The following TIAM1 variants were observed in gnomAD, a reference collection of about 807,000 sequenced individuals.
TIAM1 encodes rho guanine nucleotide exchange factor TIAM1.
TIAM1 carries 65 observed loss-of-function variants against 163.5 expected under a neutral mutation model. The ratio of observed to expected loss-of-function variants is 0.40; its 90% CI spans 0.33 to 0.49. TIAM1 has a LOEUF of 0.49. Ranked by LOEUF, TIAM1 falls within the 20% of genes least tolerant of loss-of-function variation. TIAM1 has a pLI of 0.77. For missense variants in TIAM1, 1,789 were observed against 2,044.7 expected (o/e 0.87, Z 2.41); for synonymous variants, 833 against 810.1 (o/e 1.03, Z -0.48).
intron 1 of TIAM1, among the ~76,000 whole-genome samples, chr21:31,504,208 G>A (rs1424710328): frequency 6.6e-6 from 1 of 152,150 alleles, no homozygotes; most frequent in Non-Finnish European, 1.5e-5. Flanking sequence ...GTGTTACAAG[G>A]CAACCCAGGC....
intron 2 of TIAM1, among the ~76,000 whole-genome samples, chr21:31,382,690 G>A (rs2076798214): frequency 6.6e-6 from 1 of 152,102 alleles, no homozygotes; most frequent in Non-Finnish European, 1.5e-5. Context: ...TTTTTAACAT[G>A]TCAGTCAATT....
intron 2 of TIAM1, among the ~76,000 whole-genome samples, chr21:31,333,687 A>G (rs915454018): frequency 1.3e-5 from 2 of 152,074 alleles, no homozygotes; most frequent in African/African-American, 4.8e-5. Flanking sequence ...TGATCTTCCC[A>G]CTTCAGCCTC....
chr21:31,476,675 G>A (rs2045945443), intron 1 of TIAM1, among the ~76,000 whole-genome samples: 2 of 152,176 alleles, frequency 1.3e-5, no homozygotes, highest in Non-Finnish European at 2.9e-5. Flanking sequence ...TCCATGCACG[G>A]AGGGACGCCA....
intron 2 of TIAM1, among the ~76,000 whole-genome samples, chr21:31,327,017 T>C (rs1288506873): frequency 6.6e-6 from 1 of 152,224 alleles, no homozygotes; most frequent in Admixed American, 6.5e-5. Flanking sequence ...CCGGCCGCGA[T>C]TTAACATGCG....
At chr21:31,181,987 T>C (rs946876100) in intron 15 of TIAM1, among the ~76,000 whole-genome samples, 1 of 150,488 alleles carries the variant, frequency 6.6e-6, no homozygotes, top group Non-Finnish European at 1.5e-5. Flanking sequence ...TCTCGTTATG[T>C]TGCCCAGGCT....
At chr21:31,185,750 T>C (rs2085274051) in intron 14 of TIAM1, among the ~76,000 whole-genome samples, 1 of 151,350 alleles carries the variant, frequency 6.6e-6, no homozygotes, top group South Asian at 2.1e-4. Context: ...TGATTTAGTG[T>C]AGGTCCTAAA....
chr21:31,226,316 T>C (rs2087969595), intron 6 of TIAM1, among the ~76,000 whole-genome samples: 1 of 152,156 alleles, frequency 6.6e-6, no homozygotes, highest in Admixed American at 6.5e-5. Context: ...CGGTCAGTTA[T>C]AGGACATGAG....
intron 1 of TIAM1, among the ~76,000 whole-genome samples, chr21:31,551,424 GA>G (rs570020722): frequency 9.4e-4 from 142 of 151,040 alleles, no homozygotes; most frequent in Non-Finnish European, 1.3e-3. Context: ...AAGAAAAAAA[GA>G]AAAGAAAAAG....
rs2082123653 is a variant in TIAM1, at chr21:31,124,638, T to C, written c.4190A>G (p.Lys1397Arg). The change falls in exon 27 of 28, where the codon AAG (lysine) becomes AGG (arginine). Residue 1397 changes from lysine to arginine, a missense_variant. Transcript: ENST00000541036. ...GGTTTTGAGGAGCTGTCTTCTGTGC[T>C]TATCACGCAGGATTGAATGCACAGC... ...LKAVHSILRD[K>R]HRRQLLKTES... The C allele has an allele frequency of 6.2e-7, 1 of 1,612,718 alleles. No individual in the cohort carries two copies. The highest frequency in any genetic ancestry group is 1.3e-5 in the African/African-American group (1 of 75,016).
rs139674110 is a variant in TIAM1 at position 31,296,327 on chromosome 21, T to C, written c.-188-19419A>G. Among the ~76,000 whole-genome samples the C allele has an allele frequency of 3.7e-3, 564 of 152,274 alleles. 4 individuals are homozygous for C. The highest frequency in any genetic ancestry group is 3.1e-3 in the Non-Finnish European group (210 of 68,026). The stretch of plus-strand genomic sequence containing the variant: ...TATGCACACCTCAAAAGGTTTAAAC[T>C]TTATTTAAATGAACAAAAACAGATA... On this transcript the variant is annotated intron_variant, in intron 2 of 27. Transcript: ENST00000541036.
At chr21:31,281,152 T>G (rs969237206) in intron 2 of TIAM1, among the ~76,000 whole-genome samples, 12 of 151,586 alleles carry the variant, frequency 7.9e-5, no homozygotes, top group Admixed American at 7.9e-4. Flanking sequence ...CTGTCATTTT[T>G]AAGTCCTTGC....
chr21:31,381,594 G>A (rs2076780271), intron 2 of TIAM1, among the ~76,000 whole-genome samples: 1 of 152,176 alleles, frequency 6.6e-6, no homozygotes, highest in Non-Finnish European at 1.5e-5. Context: ...CTTGAACATG[G>A]GAGGCGGAGG....
intron 10 of TIAM1, among the ~76,000 whole-genome samples, chr21:31,210,806 GAA>G: frequency 6.7e-6 from 1 of 148,624 alleles, no homozygotes; most frequent in African/African-American, 2.5e-5. Context: ...AAGAAAGAAA[GAA>G]AGAAAGGTCA....
intron 1 of TIAM1, among the ~76,000 whole-genome samples, chr21:31,522,374 G>A (rs542733609): frequency 6.6e-6 from 1 of 151,548 alleles, no homozygotes; most frequent in South Asian, 2.1e-4. Flanking sequence ...GCCAGGCATG[G>A]TGGCGCATGC....
intron 2 of TIAM1, among the ~76,000 whole-genome samples, chr21:31,446,668 C>T (rs1263491692): frequency 6.6e-6 from 1 of 152,074 alleles, no homozygotes; most frequent in Non-Finnish European, 1.5e-5. Context: ...GACAGTCACT[C>T]ACCACAAACA....
intron 16 of TIAM1, among the ~76,000 whole-genome samples, chr21:31,160,233 C>A (rs1252012326): frequency 6.6e-6 from 1 of 152,172 alleles, no homozygotes; most frequent in African/African-American, 2.4e-5. Context: ...TAGGCAAATT[C>A]AACTCCATAC....
intron 2 of TIAM1, among the ~76,000 whole-genome samples, chr21:31,385,977 T>A (rs1382078015): frequency 6.7e-6 from 1 of 148,404 alleles, no homozygotes; most frequent in Non-Finnish European, 1.5e-5. Context: ...ATAATATATA[T>A]AATAAACATT....
chr21:31,213,427 T>C lies in TIAM1; in HGVS notation c.2188A>G (p.Ile730Val). ...CCATCTGGAACAATGTCATCAAATATTCCCTCTAAAGATTTCTTTACAGCT... is the reference window on the plus strand; with the variant it reads ...CCATCTGGAACAATGTCATCAAATACTCCCTCTAAAGATTTCTTTACAGCT... The part of the protein sequence containing the change: ...TEAVKKSLEG[I>V]FDDIVPDGKR... Residue 730 changes from isoleucine to valine, a missense_variant, in exon 10 of 28, where the codon ATA (isoleucine) becomes GTA (valine). Ile to Val is a conservative substitution (Grantham distance 29, BLOSUM62 3). Coordinates refer to ENST00000541036, the MANE Select transcript of TIAM1 (RefSeq NM_001353694.2). 6.2e-7 allele frequency: 1 copy of C among 1,611,672 alleles called. No individual in the cohort carries two copies. Among genetic ancestry groups the C allele is most frequent in the African/African-American group, 1.3e-5 (1 of 74,782 alleles).
chr21:31,118,886 T>C lies in TIAM1; in HGVS notation c.*1482A>G, dbSNP rs1352067485. 3.2e-6 allele frequency: 1 copy of C among 310,966 alleles called. No individual in the cohort carries two copies. The highest frequency in any genetic ancestry group is 6.3e-6 in the Non-Finnish European group (1 of 159,118). 19.3% of individuals were successfully genotyped at this position (310,966 alleles called of 1,614,324 possible). A position where few individuals can be genotyped will look rare whatever the true frequency, so the allele number is the denominator to read the frequency against. ...AGCAGGCAGAGGCACAAGAGCATGA[T>C]GTACTGAACTCTCTATTGTCTGGAA... On this transcript the variant is annotated 3_prime_UTR_variant, in exon 28 of 28. Coordinates refer to ENST00000541036, the MANE Select transcript of TIAM1 (RefSeq NM_001353694.2).
Sources: gnomAD v4.1 joint callset for allele counts (sites outside exome capture counted in the v4.1 genomes callset) on GRCh38, gnomAD v4.1.1 for gene constraint, MANE v1.5 for transcripts, NCBI Gene and HGNC (gene_info 2026-07-23, HGNC 2026-07-21) for gene names.